Variants in SAMMSON observed in about 807,000 individuals in gnomAD.
The protein encoded by SAMMSON is survival associated mitochondrial melanoma specific oncogenic non-coding RNA.
chr3:70,026,692 T>C (rs936640281), intron 3 of SAMMSON, among the ~76,000 whole-genome samples: 3 of 152,202 alleles, frequency 2.0e-5, no homozygotes, highest in Non-Finnish European at 4.4e-5. Flanking sequence ...TAGAGATTCA[T>C]GTTGATGATC....
intron 4 of SAMMSON, chr3:70,205,130 A>G (rs2106723165): frequency 6.6e-6 from 1 of 152,186 alleles, no homozygotes; most frequent in African/African-American, 2.4e-5. Flanking sequence ...AAAATAAATA[A>G]AAGTAATTAT....
intron 4 of SAMMSON, among the ~76,000 whole-genome samples, chr3:70,151,090 A>T (rs920699700): frequency 3.1e-5 from 1 of 31,808 alleles, no homozygotes; most frequent in Non-Finnish European, 7.1e-5. Context: ...CTTTATTTCA[A>T]CAGAGAGAAT....
intron 3 of SAMMSON, among the ~76,000 whole-genome samples, chr3:70,046,406 G>A (rs939266262): frequency 6.6e-6 from 1 of 152,078 alleles, no homozygotes; most frequent in African/African-American, 2.4e-5. Context: ...CATGAATGCT[G>A]CATATTGATT....
intron 3 of SAMMSON, among the ~76,000 whole-genome samples, chr3:70,031,953 A>G (rs2067067818): frequency 6.6e-6 from 1 of 152,264 alleles, no homozygotes; most frequent in African/African-American, 2.4e-5. Context: ...AATAATTTCA[A>G]GTTAATGGTA....
intron 6 of SAMMSON, among the ~76,000 whole-genome samples, chr3:70,256,976 G>T (rs1327469603): frequency 6.6e-6 from 1 of 152,158 alleles, no homozygotes; most frequent in Non-Finnish European, 1.5e-5. Flanking sequence ...GCCCGACTAT[G>T]GGCTGAGCGA....
At chr3:70,342,039 T>A (rs998980081) in intron 7 of SAMMSON, among the ~76,000 whole-genome samples, 3 of 152,184 alleles carry the variant, frequency 2.0e-5, no homozygotes, top group African/African-American at 7.2e-5. Flanking sequence ...TCAAATCCTC[T>A]TGTTGGATTA....
intron 3 of SAMMSON, chr3:70,025,343 C>G (rs1490393642): frequency 1.3e-5 from 2 of 152,246 alleles, no homozygotes; most frequent in Non-Finnish European, 2.9e-5. Context: ...CTGCCAGGTT[C>G]AAACGATTCT....
At chr3:70,408,673 C>T (rs1701194967) in intron 2 of SAMMSON, among the ~76,000 whole-genome samples, 3 of 152,184 alleles carry the variant, frequency 2.0e-5, no homozygotes, top group Admixed American at 2.0e-4. Flanking sequence ...TTCAATGAGT[C>T]TCTAGTAAGT....
intron 4 of SAMMSON, among the ~76,000 whole-genome samples, chr3:70,196,359 T>G (rs1183454587): frequency 2.0e-5 from 3 of 152,090 alleles, no homozygotes; most frequent in Non-Finnish European, 4.4e-5. Flanking sequence ...AGGAACATGG[T>G]TTCTAATTCA....
At chr3:70,072,434 C>G (rs1044813937) in intron 4 of SAMMSON, 4 of 151,602 alleles carry the variant, frequency 2.6e-5, no homozygotes, top group Non-Finnish European at 4.4e-5. Context: ...TCAAACAACA[C>G]TTTTTTTCCC....
At chr3:70,015,503 G>A (rs2066979896) in intron 3 of SAMMSON, among the ~76,000 whole-genome samples, 7 of 151,800 alleles carry the variant, frequency 4.6e-5, no homozygotes, top group Admixed American at 4.6e-4. Context: ...CTTAGTATCT[G>A]CAATGTTTAG....
At chr3:70,284,886 C>T (rs2106685722) in intron 6 of SAMMSON, among the ~76,000 whole-genome samples, 1 of 152,186 alleles carries the variant, frequency 6.6e-6, no homozygotes, top group Non-Finnish European at 1.5e-5. Context: ...ACATGTACCC[C>T]TGAACTGAAA....
chr3:70,057,365 T>C (rs1559782421), intron 3 of SAMMSON, among the ~76,000 whole-genome samples: 1 of 152,074 alleles, frequency 6.6e-6, no homozygotes. Flanking sequence ...TTTAAAAGAA[T>C]GTTTCTATAT....
chr3:70,290,511 T>C (rs1368209494), intron 6 of SAMMSON, among the ~76,000 whole-genome samples: 1 of 152,188 alleles, frequency 6.6e-6, no homozygotes, highest in Non-Finnish European at 1.5e-5. Flanking sequence ...GGCTGTCTTT[T>C]TGTTTGTCTG....
intron 4 of SAMMSON, among the ~76,000 whole-genome samples, chr3:70,158,292 C>T (rs779019218): frequency 5.3e-5 from 8 of 152,184 alleles, no homozygotes; most frequent in South Asian, 2.1e-4. Flanking sequence ...TTTATATAAA[C>T]GGAATCATAC....
chr3:70,060,860 T>A (rs1047048186), intron 3 of SAMMSON, among the ~76,000 whole-genome samples: 1 of 152,178 alleles, frequency 6.6e-6, no homozygotes, highest in African/African-American at 2.4e-5. Flanking sequence ...GAATAATGGG[T>A]TAGACAGGCC....
At chr3:70,328,131 A>G (rs923189731) in intron 7 of SAMMSON, among the ~76,000 whole-genome samples, 1 of 152,202 alleles carries the variant, frequency 6.6e-6, no homozygotes, top group African/African-American at 2.4e-5. Flanking sequence ...CTTATTCACT[A>G]TCACAATAAT....
At chr3:70,071,608 A>C (rs528041504) in intron 4 of SAMMSON, 1 of 152,038 alleles carries the variant, frequency 6.6e-6, no homozygotes, top group Non-Finnish European at 1.5e-5. Flanking sequence ...ATACGTAATC[A>C]GATACCTGTT....
At chr3:70,050,439 A>G (rs984545877) in intron 3 of SAMMSON, among the ~76,000 whole-genome samples, 4 of 152,136 alleles carry the variant, frequency 2.6e-5, no homozygotes, top group African/African-American at 7.2e-5. Flanking sequence ...AGGGACAAGA[A>G]AAGACAGGCT....
Sources: allele counts gnomAD v4.1 joint callset (sites outside exome capture counted in the v4.1 genomes callset), GRCh38; gene constraint gnomAD v4.1.1; transcripts MANE v1.5; gene names NCBI Gene and HGNC (gene_info 2026-07-23, HGNC 2026-07-21).